PIK3C3: variants seen among roughly 807,000 people sequenced by gnomAD.
PIK3C3 encodes PI3-kinase type 3.
PIK3C3 carries 95 observed loss-of-function variants against 126.1 expected under a neutral mutation model. That is an observed-to-expected ratio of 0.75 (90% confidence interval 0.64 to 0.89). PIK3C3 has a LOEUF of 0.89. Among genes scored for constraint, PIK3C3 ranks in the 40% least tolerant of loss-of-function variants. The probability of loss-of-function intolerance (pLI) is 0.00; values close to 1 mark genes in which losing one functional copy is unlikely to be tolerated. For synonymous variants in PIK3C3, 374 were observed against 360.0 expected, an observed-to-expected ratio of 1.04 and a Z score of -0.44; for missense variants, 829 against 1,063.2, an observed-to-expected ratio of 0.78 and a Z score of 3.06.
At chr18:42,052,132 T>C (rs1290314526) in intron 21 of PIK3C3, among the ~76,000 whole-genome samples, 2 of 152,104 alleles carry the variant, frequency 1.3e-5, no homozygotes, top group Admixed American at 6.5e-5. Flanking sequence ...TTTTCTGTTA[T>C]ACTTTGAAAA....
At chr18:42,003,598 A>G (rs1465489811) in intron 9 of PIK3C3, among the ~76,000 whole-genome samples, 1 of 152,132 alleles carries the variant, frequency 6.6e-6, no homozygotes, top group East Asian at 1.9e-4. Context: ...ACCTTTCTTA[A>G]AAGAGGACTT....
intron 6 of PIK3C3, 73 bp from the exon 7 acceptor site, chr18:41,993,197 G>A (rs1222390039): frequency 5.2e-6 from 4 of 776,256 alleles, no homozygotes; most frequent in Non-Finnish European, 8.6e-6. Flanking sequence ...AAAATACATT[G>A]ATGTGTACAT....
chr18:42,004,396 C>T lies in PIK3C3; in HGVS notation c.1025C>T (p.Pro342Leu), dbSNP rs780261889. ...KFLKCVNWDL[P>L]QEAKQALELL... is the part of the protein sequence containing the mutation. ...TTGAAATGTGTTAATTGGGATCTACCTCAAGAGGCCAAACAGGCCTTGGAA... is the reference window on the plus strand; with the variant it reads ...TTGAAATGTGTTAATTGGGATCTACTTCAAGAGGCCAAACAGGCCTTGGAA... Residue 342 changes from proline (P) to leucine (L), a missense_variant, in exon 10 of 25, where the codon CCT becomes CTT. Pro to Leu is a moderately conservative substitution (Grantham distance 98). Around this residue, in one of 4 missense-constraint regions of PIK3C3, gnomAD observed 64 missense variants for 118.7 expected, o/e 0.54. Transcript: ENST00000262039. 4 of 1,612,846 alleles carry T rather than the reference C, an allele frequency of 2.5e-6. No individual in the cohort carries two copies. The highest frequency in any genetic ancestry group is 1.1e-5 in the South Asian group (1 of 90,884).
intron 14 of PIK3C3, among the ~76,000 whole-genome samples, chr18:42,028,483 G>C (rs1476654774): frequency 6.6e-6 from 1 of 152,200 alleles, no homozygotes; most frequent in East Asian, 1.9e-4. Flanking sequence ...GCTTGCCGCA[G>C]AAATAGTCTA....
At chr18:42,011,117 C>T (rs748780625) in intron 10 of PIK3C3, among the ~76,000 whole-genome samples, 6 of 152,112 alleles carry the variant, frequency 3.9e-5, no homozygotes, top group South Asian at 2.1e-4. Flanking sequence ...TTTGTTCTTC[C>T]GTTTATAGAG....
intron 4 of PIK3C3, chr18:41,970,718 C>T (rs1248745772): frequency 1.0e-5 from 6 of 582,756 alleles, no homozygotes; most frequent in East Asian, 2.8e-5. Context: ...TAAAAGAAAC[C>T]GCACCATTAA....
At position 42,081,393 on chromosome 18, in the gene PIK3C3, T is replaced by C; in HGVS notation, c.*256T>C. The C allele has an allele frequency of 2.7e-6, 1 of 373,334 alleles. No individual in the cohort carries two copies. The highest frequency in any genetic ancestry group is 4.8e-6 in the Non-Finnish European group (1 of 208,024). 23.1% of individuals were successfully genotyped at this position (373,334 alleles called of 1,614,324 possible). A position where few individuals can be genotyped will look rare whatever the true frequency, so the allele number is the denominator to read the frequency against. The stretch of plus-strand genomic sequence containing the variant: ...TATACATTGTTAATAAATTAAGAAA[T>C]GAGAAACATTCTTATTTATGTACAT... On this transcript the variant is annotated 3_prime_UTR_variant, in exon 25 of 25. Transcript: ENST00000262039.
chr18:41,978,726 G>A (rs1348469022), intron 4 of PIK3C3, among the ~76,000 whole-genome samples: 1 of 152,096 alleles, frequency 6.6e-6, no homozygotes, highest in Non-Finnish European at 1.5e-5. Context: ...AAATAATTTA[G>A]TTAAGTAGTA....
chr18:42,009,918 T>G (rs1170543745), intron 10 of PIK3C3, among the ~76,000 whole-genome samples: 1 of 152,172 alleles, frequency 6.6e-6, no homozygotes, highest in East Asian at 1.9e-4. Flanking sequence ...AACTGAATGA[T>G]CAGGGTGATG....
At chr18:41,976,737 A>C (rs2144324512) in intron 4 of PIK3C3, among the ~76,000 whole-genome samples, 1 of 152,280 alleles carries the variant, frequency 6.6e-6, no homozygotes, top group African/African-American at 2.4e-5. Flanking sequence ...AGCACTAATA[A>C]ATGTTAGCTG....
At chr18:41,976,366 A>G (rs1199330741) in intron 4 of PIK3C3, among the ~76,000 whole-genome samples, 1 of 87,026 alleles carries the variant, frequency 1.1e-5, no homozygotes, top group African/African-American at 3.5e-5. Context: ...TTGAAGACCA[A>G]AAAAAAAAAA....
At chr18:41,988,847 T>G (rs1256072321) in intron 5 of PIK3C3, among the ~76,000 whole-genome samples, 1 of 152,136 alleles carries the variant, frequency 6.6e-6, no homozygotes, top group Admixed American at 6.6e-5. Context: ...TAGTCACATT[T>G]CAAAAAGAGT....
At chr18:42,056,263 G>A (rs1454939148) in intron 21 of PIK3C3, among the ~76,000 whole-genome samples, 1 of 151,952 alleles carries the variant, frequency 6.6e-6, no homozygotes, top group African/African-American at 2.4e-5. Flanking sequence ...TAATTTCATT[G>A]TTAGATACTG....
chr18:42,059,369 C>T (rs959579192), intron 22 of PIK3C3, among the ~76,000 whole-genome samples: 1 of 152,164 alleles, frequency 6.6e-6, no homozygotes, highest in Non-Finnish European at 1.5e-5. Flanking sequence ...TGCAGAAGCA[C>T]TTTCAGAGAG....
intron 12 of PIK3C3, among the ~76,000 whole-genome samples, chr18:42,017,299 T>C (rs1983119772): frequency 6.6e-6 from 1 of 152,122 alleles, no homozygotes; most frequent in African/African-American, 2.4e-5. Context: ...CTCGTTTTAT[T>C]CTTGGAGTTT....
intron 21 of PIK3C3, among the ~76,000 whole-genome samples, chr18:42,056,831 G>A (rs1359573250): frequency 1.3e-5 from 2 of 151,980 alleles, no homozygotes; most frequent in African/African-American, 2.4e-5. Flanking sequence ...GAGACTATAG[G>A]GATGCTGCTT....
chr18:42,083,524 C>T lies in PIK3C3; in HGVS notation c.*2387C>T, dbSNP rs557974849. The T allele has an allele frequency of 2.8e-4, 43 of 152,174 alleles. No homozygotes were observed. Among genetic ancestry groups the T allele is most frequent in the Middle Eastern group, 3.4e-3 (1 of 294 alleles). The allele number at this position is 152,174 out of a possible 1,614,324, so 9.4% of individuals were successfully genotyped here. A position where few individuals can be genotyped will look rare whatever the true frequency, so the allele number is the denominator to read the frequency against. On this transcript the variant is annotated 3_prime_UTR_variant, in exon 25 of 25. Transcript: ENST00000262039. ...CCAAATAAAGGGTCATACAGCCTTG[C>T]TTTTTGCTGGAGTTAGCAAAAATCA...
At chr18:42,018,415 G>A (rs531747085) in intron 12 of PIK3C3, among the ~76,000 whole-genome samples, 28 of 152,180 alleles carry the variant, frequency 1.8e-4, no homozygotes, top group Non-Finnish European at 3.5e-4. Context: ...AAAGTATAAT[G>A]TTCTTGGCAG....
chr18:41,968,823 T>G (rs886424583), intron 3 of PIK3C3, among the ~76,000 whole-genome samples: 11 of 152,048 alleles, frequency 7.2e-5, no homozygotes, highest in Non-Finnish European at 1.5e-5. Flanking sequence ...TTGTTGTTTT[T>G]TTTTTAAGTT....
Sources: gnomAD v4.1 joint callset for allele counts (sites outside exome capture counted in the v4.1 genomes callset) on GRCh38, gnomAD v4.1.1 for gene constraint, gnomAD v4.1.1 regional missense constraint, MANE v1.5 for transcripts, NCBI Gene and HGNC (gene_info 2026-07-23, HGNC 2026-07-21) for gene names.